The following OR6C74 variants were observed in gnomAD, a reference collection of about 807,000 sequenced individuals.
OR6C74 encodes olfactory receptor 6C74.
For missense variants in OR6C74, 361 were observed against 362.9 expected, an observed-to-expected ratio of 0.99 and a Z score of 0.04; for synonymous variants, 142 against 134.2, an observed-to-expected ratio of 1.06 and a Z score of -0.40.
In OR6C74 at chr12:55,250,999, A is replaced by G. The variant is rs1428639605; in HGVS notation, c.*2773A>G. Among the ~76,000 whole-genome samples, 3 of 152,054 alleles carry G rather than the reference A, an allele frequency of 2.0e-5. No homozygotes were observed. Among genetic ancestry groups the G allele is most frequent in the African/African-American group, 7.2e-5 (3 of 41,416 alleles). On this transcript the variant is annotated 3_prime_UTR_variant, in exon 2 of 2. Transcript: ENST00000343399. The stretch of plus-strand genomic sequence containing the variant: ...TAGTAGGATACTTTCTAAAATACAA[A>G]TCAGTCATGCCACCACTCTACTAAT...
In OR6C74 at chr12:55,247,769, G is replaced by A. The variant is rs267603559; in HGVS notation, c.482G>A (p.Gly161Asp). ...ATAATTTTTCCGCCACTCCTGATGG[G>A]TCTCCAGCTTGATTTCTGTGCAGCC... ...FLIIFPPLLMGLQLDFCAANT... is the reference protein window; with the variant it reads ...FLIIFPPLLMDLQLDFCAANT... The change falls in exon 2 of 2, where the codon GGT becomes GAT. Residue 161 changes from glycine to aspartate, a missense_variant. Gly to Asp is a moderately conservative substitution (Grantham distance 94, BLOSUM62 -1). Coordinates refer to ENST00000343399, the MANE Select transcript of OR6C74 (RefSeq NM_001005490.2). 6.2e-7 allele frequency: 1 copy of A among 1,613,834 alleles called. No homozygotes were observed. The highest frequency in any genetic ancestry group is 8.5e-7 in the Non-Finnish European group (1 of 1,179,970).
intron 1 of OR6C74, among the ~76,000 whole-genome samples, chr12:55,245,810 A>G (rs921758414): frequency 6.6e-6 from 1 of 152,140 alleles, no homozygotes; most frequent in Non-Finnish European, 1.5e-5. Context: ...GCTTTAATAT[A>G]AACTATGATT....
At position 55,253,681 on chromosome 12, in the gene OR6C74, G is replaced by A. The variant is rs1954325072; in HGVS notation, c.*5455G>A. The stretch of plus-strand genomic sequence containing the variant: ...ATTAAGCTTAGCTCAGAAATGAGGT[G>A]GAATAACCTCTGAAAAATCCATGTT... On this transcript the variant is annotated 3_prime_UTR_variant, in exon 2 of 2. Transcript: ENST00000343399. Among the ~76,000 whole-genome samples, 1 of 151,974 alleles carries A rather than the reference G, an allele frequency of 6.6e-6. No homozygotes were observed. The highest frequency in any genetic ancestry group is 1.5e-5 in the Non-Finnish European group (1 of 67,930).
Position 55,249,468 on chromosome 12 carries a change from C to T in OR6C74, c.*1242C>T, listed in dbSNP as rs1377962105. Among the ~76,000 whole-genome samples the T allele has an allele frequency of 6.7e-6, 1 of 148,916 alleles. No individual in the cohort carries two copies. Among genetic ancestry groups the T allele is most frequent in the Non-Finnish European group, 1.5e-5 (1 of 67,188 alleles). ...ATATACATTTTATCTTAATGTATTT[C>T]CAAGTGTATATAACTTTGTCATATC... is the stretch of plus-strand genomic sequence containing the variant. On this transcript the variant is annotated 3_prime_UTR_variant, in exon 2 of 2. Coordinates refer to ENST00000343399, the MANE Select transcript of OR6C74 (RefSeq NM_001005490.2).
Position 55,254,820 on chromosome 12 carries a change from A to G in OR6C74, c.*6594A>G, listed in dbSNP as rs1235837495. 2.0e-5 allele frequency among the ~76,000 whole-genome samples: 3 copies of G among 152,068 alleles called. No homozygotes were observed. Among genetic ancestry groups the G allele is most frequent in the Non-Finnish European group, 4.4e-5 (3 of 67,974 alleles). Reference sequence around the variant, plus strand: ...ATAATATTTGATGCCATAGACTTGTAATATTCCATTTTCTTATGGTTGCAG... The same window carrying G: ...ATAATATTTGATGCCATAGACTTGTGATATTCCATTTTCTTATGGTTGCAG... On this transcript the variant is annotated 3_prime_UTR_variant, in exon 2 of 2. Coordinates refer to ENST00000343399, the MANE Select transcript of OR6C74 (RefSeq NM_001005490.2).
Position 55,254,405 on chromosome 12 carries a change from G to T in OR6C74, c.*6179G>T, listed in dbSNP as rs1954330006. ...CATACACACATATATGTAATTCCCA[G>T]TTGGGATCCTTTCAGATTTCCAATC... On this transcript the variant is annotated 3_prime_UTR_variant, in exon 2 of 2. Transcript: ENST00000343399. Among the ~76,000 whole-genome samples, 1 of 152,030 alleles carries T rather than the reference G, an allele frequency of 6.6e-6. No homozygotes were observed. The highest frequency in any genetic ancestry group is 6.6e-5 in the Admixed American group (1 of 15,250).
rs1369993388 is a variant in OR6C74 at position 55,247,601 on chromosome 12, T to TG, written c.319dup (p.Ala107GlyfsTer3). 1 of 1,613,856 alleles carries TG rather than the reference T, an allele frequency of 6.2e-7. No homozygotes were observed. Among genetic ancestry groups the TG allele is most frequent in the Admixed American group, 1.7e-5 (1 of 59,972 alleles). On this transcript the variant is annotated frameshift_variant, in exon 2 of 2. Coordinates refer to ENST00000343399, the MANE Select transcript of OR6C74 (RefSeq NM_001005490.2). LOFTEE classifies it low-confidence loss of function (END_TRUNC). ...GCACAGCTGTTTTTCACTATTCTCT[T>TG]GGGGGCAACTGAATTTTTTCTTCTG...
Position 55,244,653 on chromosome 12 carries a change from A to T in OR6C74, c.-174A>T, listed in dbSNP as rs887825208. ...CCTCAGCGTGAACAACAAGCTAGAAACCTTCTCTTTGTTCTTCTTCTCTCT... is the reference window on the plus strand; with the variant it reads ...CCTCAGCGTGAACAACAAGCTAGAATCCTTCTCTTTGTTCTTCTTCTCTCT... On this transcript the variant is annotated 5_prime_UTR_variant, in exon 1 of 2. Coordinates refer to ENST00000343399, the MANE Select transcript of OR6C74 (RefSeq NM_001005490.2). Among the ~76,000 whole-genome samples, 1 of 152,074 alleles carries T rather than the reference A, an allele frequency of 6.6e-6. No homozygotes were observed. The highest frequency in any genetic ancestry group is 1.5e-5 in the Non-Finnish European group (1 of 67,966).
intron 1 of OR6C74, 67 bp from the exon 2 acceptor site, chr12:55,247,211 GA>G: frequency 2.3e-6 from 2 of 859,070 alleles, no homozygotes; most frequent in Non-Finnish European, 1.8e-6. Flanking sequence ...TGGATTTCAA[GA>G]AAAATGGGTA....
At position 55,250,998 on chromosome 12, in the gene OR6C74, A is replaced by G. The variant is rs1414245807; in HGVS notation, c.*2772A>G. On this transcript the variant is annotated 3_prime_UTR_variant, in exon 2 of 2. Coordinates refer to ENST00000343399, the MANE Select transcript of OR6C74 (RefSeq NM_001005490.2). ...CTAGTAGGATACTTTCTAAAATACAAATCAGTCATGCCACCACTCTACTAA... is the reference window on the plus strand; with the variant it reads ...CTAGTAGGATACTTTCTAAAATACAGATCAGTCATGCCACCACTCTACTAA... 6.6e-6 allele frequency among the ~76,000 whole-genome samples: 1 copy of G among 152,076 alleles called. No individual in the cohort carries two copies. The highest frequency in any genetic ancestry group is 1.5e-5 in the Non-Finnish European group (1 of 67,976).
Position 55,249,286 on chromosome 12 carries a change from A to G in OR6C74, c.*1060A>G, listed in dbSNP as rs896164795. On this transcript the variant is annotated 3_prime_UTR_variant, in exon 2 of 2. Transcript: ENST00000343399. ...AAACTTTTCCTTTCAATAGTACCCT[A>G]TCTCAGTGTTATAAGACAAGAAAAC... 6.6e-6 allele frequency among the ~76,000 whole-genome samples: 1 copy of G among 152,150 alleles called. No individual in the cohort carries two copies. Among genetic ancestry groups the G allele is most frequent in the African/African-American group, 2.4e-5 (1 of 41,444 alleles).
At chr12:55,245,201 T>C (rs1954263101) in intron 1 of OR6C74, among the ~76,000 whole-genome samples, 1 of 152,082 alleles carries the variant, frequency 6.6e-6, no homozygotes, top group South Asian at 2.1e-4. Flanking sequence ...ACTGAAAAAA[T>C]TAAGTGTGTT....
In OR6C74 at chr12:55,247,582, C is replaced by A. The variant is rs1954280825; in HGVS notation, c.295C>A (p.Leu99Met). The change falls in exon 2 of 2, where the codon CTG becomes ATG. Residue 99 changes from leucine to methionine, a missense_variant. Leu to Met is a conservative substitution (Grantham distance 15). Transcript: ENST00000343399. ...TISYNDCAAQ[L>M]FFTILLGATE... The stretch of plus-strand genomic sequence containing the variant: ...TTCTTACAACGATTGTGCAGCACAG[C>A]TGTTTTTCACTATTCTCTTGGGGGC... 1 of 1,613,708 alleles carries A rather than the reference C, an allele frequency of 6.2e-7. No homozygotes were observed. The highest frequency in any genetic ancestry group is 1.7e-5 in the Admixed American group (1 of 59,964).
In OR6C74 at chr12:55,247,914, G is replaced by C. The variant is rs768436931; in HGVS notation, c.627G>C (p.Leu209=). ...LSAILTLLVT[L]VLVILSYTNI... is the part of the protein sequence containing the mutation. Reference sequence around the variant, plus strand: ...CCATTTTGACGCTCCTGGTTACACTGGTATTAGTGATTCTCTCCTACACAA... The same window carrying C: ...CCATTTTGACGCTCCTGGTTACACTCGTATTAGTGATTCTCTCCTACACAA... Residue 209 remains leucine (L), a synonymous_variant, in exon 2 of 2, where the codon CTG becomes CTC. Transcript: ENST00000343399. 1 of 1,613,740 alleles carries C rather than the reference G, an allele frequency of 6.2e-7. No individual in the cohort carries two copies. The highest frequency in any genetic ancestry group is 8.5e-7 in the Non-Finnish European group (1 of 1,179,820).
In OR6C74 at chr12:55,256,055, A is replaced by C. The variant is rs1206694048; in HGVS notation, c.*7829A>C. Among the ~76,000 whole-genome samples the C allele has an allele frequency of 6.6e-6, 1 of 152,126 alleles. No individual in the cohort carries two copies. Among genetic ancestry groups the C allele is most frequent in the African/African-American group, 2.4e-5 (1 of 41,442 alleles). On this transcript the variant is annotated 3_prime_UTR_variant, in exon 2 of 2. Transcript: ENST00000343399. ...ATGCTCCTGATTATTGTAAATACAA[A>C]ATTGCATGCAGGATTGTGTAAAGAC...
At position 55,248,362 on chromosome 12, in the gene OR6C74, T is replaced by C; in HGVS notation, c.*136T>C. On this transcript the variant is annotated 3_prime_UTR_variant, in exon 2 of 2. Coordinates refer to ENST00000343399, the MANE Select transcript of OR6C74 (RefSeq NM_001005490.2). ...ATAATTTTCATTATGGCCTTCCTAA[T>C]CTCCAAAGCCTAACCTTCACTGCCA... 1 of 605,916 alleles carries C rather than the reference T, an allele frequency of 1.7e-6. No individual in the cohort carries two copies. Among genetic ancestry groups the C allele is most frequent in the Admixed American group, 3.1e-5 (1 of 32,212 alleles). The allele number at this position is 605,916 out of a possible 1,614,324, so 37.5% of individuals were successfully genotyped here.
chr12:55,255,451 C>T lies in OR6C74; in HGVS notation c.*7225C>T, dbSNP rs1422807385. Among the ~76,000 whole-genome samples, 1 of 151,920 alleles carries T rather than the reference C, an allele frequency of 6.6e-6. No homozygotes were observed. Among genetic ancestry groups the T allele is most frequent in the Non-Finnish European group, 1.5e-5 (1 of 67,980 alleles). On this transcript the variant is annotated 3_prime_UTR_variant, in exon 2 of 2. Coordinates refer to ENST00000343399, the MANE Select transcript of OR6C74 (RefSeq NM_001005490.2). ...AGCAATCCCATTACTGGGTATATAC[C>T]CAAAGGATTATAAATCATTCTACTA...
chr12:55,247,842 C>T lies in OR6C74; in HGVS notation c.555C>T (p.Leu185=), dbSNP rs764705397. ...GTGATGTTTCTCCTATACTGCAGCT[C>T]TCTTGCACAGACACTGACATAATAG... is the stretch of plus-strand genomic sequence containing the variant. ...FFCDVSPILQ[L]SCTDTDIIEL... Residue 185 remains leucine, a synonymous_variant, in exon 2 of 2, where the codon CTC becomes CTT. Transcript: ENST00000343399. 8 of 1,614,034 alleles carry T rather than the reference C, an allele frequency of 5.0e-6. No homozygotes were observed. In the South Asian group the frequency reaches 8.8e-5, roughly 18 times the overall value.
In OR6C74 at chr12:55,247,627, G is replaced by A; in HGVS notation, c.340G>A (p.Ala114Thr). ...LLGATEFFLL[A>T]AMSYERYVAI... ...GGGGGCAACTGAATTTTTTCTTCTG[G>A]CTGCCATGTCCTATGAGCGCTATGT... The change falls in exon 2 of 2, where the codon GCT becomes ACT. Residue 114 changes from alanine to threonine, a missense_variant. Physicochemically the swap from Ala to Thr is moderately conservative, Grantham distance 58. Coordinates refer to ENST00000343399, the MANE Select transcript of OR6C74 (RefSeq NM_001005490.2). The A allele has an allele frequency of 3.7e-6, 6 of 1,613,514 alleles. No individual in the cohort carries two copies. Among genetic ancestry groups the A allele is most frequent in the Non-Finnish European group, 5.1e-6 (6 of 1,179,880 alleles).
Sources: allele counts gnomAD v4.1 joint callset (sites outside exome capture counted in the v4.1 genomes callset), GRCh38; gene constraint gnomAD v4.1.1; transcripts MANE v1.5; gene names NCBI Gene and HGNC (gene_info 2026-07-23, HGNC 2026-07-21).